TSHZ2: variants seen among roughly 807,000 people sequenced by gnomAD.
The protein encoded by TSHZ2 is teashirt homolog 2.
A neutral mutation model predicts 74.4 loss-of-function variants in TSHZ2; 21 were observed. The ratio of observed to expected loss-of-function variants is 0.28; its 90% confidence interval spans 0.20 to 0.41. The LOEUF (loss-of-function observed/expected upper bound fraction) is 0.41. Among genes scored for constraint, TSHZ2 ranks in the 10% least tolerant of loss-of-function variants. The pLI, the probability that TSHZ2 is intolerant of heterozygous loss-of-function variation, is 1.00. For synonymous variants in TSHZ2, 540 were observed against 515.3 expected, an observed-to-expected ratio of 1.05 and a Z score of -0.65; for missense variants, 1,244 against 1,293.5, an observed-to-expected ratio of 0.96 and a Z score of 0.59.
At chr20:53,317,312 G>A (rs1461691317) in intron 2 of TSHZ2, among the ~76,000 whole-genome samples, 1 of 152,186 alleles carries the variant, frequency 6.6e-6, no homozygotes, top group Non-Finnish European at 1.5e-5. Flanking sequence ...GAATGGTTGA[G>A]TTCACACAGA....
At chr20:53,216,580 T>TA (rs1989439507) in intron 1 of TSHZ2, among the ~76,000 whole-genome samples, 1 of 152,254 alleles carries the variant, frequency 6.6e-6, no homozygotes. Context: ...TTTCTGGTGT[T>TA]AATGCCATCT....
In TSHZ2 at chr20:53,055,285, T is replaced by TC. The variant is rs1183340501; in HGVS notation, c.40+81955dup. The stretch of plus-strand genomic sequence containing the variant: ...TGTGCATTTTAAGTACATTTGGGTT[T>TC]CCCTCAAGCTTAGCTCTTGATTAAA... On this transcript the variant is annotated intron_variant, in intron 1 of 2. Transcript: ENST00000371497. 1.3e-5 allele frequency among the ~76,000 whole-genome samples: 2 copies of TC among 152,192 alleles called. 1 individual carries two copies. Among genetic ancestry groups the TC allele is most frequent in the Non-Finnish European group, 2.9e-5 (2 of 68,040 alleles).
chr20:53,254,848 A>G lies in TSHZ2; in HGVS notation c.1390A>G (p.Ser464Gly). ...CTCTACAACTGAGTTAAAGAAAGAG[A>G]GTAAAAAAGAAAGGCCAGAGGAAAC... ...TASTTELKKE[S>G]KKERPEETSK... The change falls in exon 2 of 3, where the codon AGT becomes GGT. Residue 464 changes from serine to glycine, a missense_variant. Ser to Gly is a moderately conservative substitution (Grantham distance 56). This residue lies in a region of TSHZ2 where 562 missense variants were observed against 544.0 expected (regional missense o/e 1.03). Transcript: ENST00000371497. The G allele has an allele frequency of 1.9e-6, 3 of 1,614,110 alleles. No homozygotes were observed. The highest frequency in any genetic ancestry group is 2.5e-6 in the Non-Finnish European group (3 of 1,180,010).
At chr20:53,051,457 GCACACACACACACACA>G (rs11474223) in intron 1 of TSHZ2, among the ~76,000 whole-genome samples, 4 of 145,100 alleles carry the variant, frequency 2.8e-5, no homozygotes, top group East Asian at 2.0e-4. Flanking sequence ...TGTGGCGCAC[GCACACACACACACACA>G]CACACACACA....
At chr20:53,039,261 T>C (rs548128442) in intron 1 of TSHZ2, among the ~76,000 whole-genome samples, 2 of 151,712 alleles carry the variant, frequency 1.3e-5, no homozygotes, top group Non-Finnish European at 2.9e-5. Flanking sequence ...CCCGATCATC[T>C]GATTAAAAAT....
At chr20:53,258,269 A>G (rs989138766) in intron 2 of TSHZ2, among the ~76,000 whole-genome samples, 8 of 152,194 alleles carry the variant, frequency 5.3e-5, no homozygotes, top group African/African-American at 1.4e-4. Flanking sequence ...CATTGAATTC[A>G]CACCTGAGCT....
chr20:53,476,106 C>T (rs1600669776), intron 2 of TSHZ2, among the ~76,000 whole-genome samples: 1 of 144,018 alleles, frequency 6.9e-6, no homozygotes, highest in Non-Finnish European at 1.5e-5. Flanking sequence ...ACCATTCCTT[C>T]TGGAACTATT....
intron 1 of TSHZ2, among the ~76,000 whole-genome samples, chr20:53,182,234 C>CTCCT (rs1555833729): frequency 7.5e-5 from 11 of 146,432 alleles, no homozygotes; most frequent in South Asian, 2.2e-4. Context: ...TCTTGACTCC[C>CTCCT]TCCTTCCTTC....
At chr20:53,483,258 A>G (rs1427150008) in intron 2 of TSHZ2, among the ~76,000 whole-genome samples, 2 of 152,172 alleles carry the variant, frequency 1.3e-5, no homozygotes, top group Non-Finnish European at 2.9e-5. Context: ...TGTACAAAAA[A>G]TACAAAAGAA....
intron 2 of TSHZ2, among the ~76,000 whole-genome samples, chr20:53,405,881 C>A (rs1366962300): frequency 6.6e-6 from 1 of 152,036 alleles, no homozygotes; most frequent in African/African-American, 2.4e-5. Context: ...CCTGTGGTCC[C>A]AGCTACTCTG....
intron 2 of TSHZ2, among the ~76,000 whole-genome samples, chr20:53,474,176 G>A (rs371560634): frequency 1.7e-4 from 26 of 148,660 alleles, no homozygotes; most frequent in African/African-American, 5.3e-4. Flanking sequence ...GATACTCCTC[G>A]AGAAGAGCAA....
Position 52,973,241 on chromosome 20 carries a change from A to T in TSHZ2, c.-53A>T. ...AGAGGCCAGAGAGACAGCGGGCCCCAGCGCGCGGCTCGGGGCTGGGGCGCC... is the reference window on the plus strand; with the variant it reads ...AGAGGCCAGAGAGACAGCGGGCCCCTGCGCGCGGCTCGGGGCTGGGGCGCC... On this transcript the variant is annotated 5_prime_UTR_variant, in exon 1 of 3. Transcript: ENST00000371497. The T allele has an allele frequency of 6.4e-7, 1 of 1,550,876 alleles. No homozygotes were observed. The highest frequency in any genetic ancestry group is 8.7e-7 in the Non-Finnish European group (1 of 1,146,480).
rs570051499 is a variant in TSHZ2, at chr20:53,285,415, T to A, written c.*8+28844T>A. On this transcript the variant is annotated intron_variant, in intron 2 of 2. Transcript: ENST00000371497. The stretch of plus-strand genomic sequence containing the variant: ...TTTTGCAGATGTTGGGTCAGTACAA[T>A]ATCTGAGAAATGGGGCCAGGTGCGG... Among the ~76,000 whole-genome samples the A allele has an allele frequency of 5.9e-5, 9 of 152,236 alleles. No individual in the cohort carries two copies. The South Asian group carries it at 1.7e-3, about 28-fold the overall frequency.
intron 2 of TSHZ2, among the ~76,000 whole-genome samples, chr20:53,394,230 T>A: frequency 6.6e-6 from 1 of 152,164 alleles, no homozygotes; most frequent in Non-Finnish European, 1.5e-5. Flanking sequence ...TGGACAAGGA[T>A]GTCAGAACAG....
intron 1 of TSHZ2, among the ~76,000 whole-genome samples, chr20:53,140,539 CAAAAAAAA>C (rs34045440): frequency 1.8e-4 from 14 of 79,786 alleles, no homozygotes; most frequent in Non-Finnish European, 1.9e-4. Context: ...GACTCCGTCT[CAAAAAAAA>C]AAAAAAAAAA....
chr20:53,485,577 T>A (rs1340003120), intron 2 of TSHZ2, among the ~76,000 whole-genome samples: 2 of 152,128 alleles, frequency 1.3e-5, no homozygotes, highest in East Asian at 3.9e-4. Context: ...GGCATGGTGA[T>A]GCATGTCTGT....
intron 2 of TSHZ2, among the ~76,000 whole-genome samples, chr20:53,340,184 C>CTTTCTTTTTT (rs1980133113): frequency 9.1e-6 from 1 of 109,872 alleles, no homozygotes; most frequent in Non-Finnish European, 1.7e-5. Context: ...TTTCTTTTTT[C>CTTTCTTTTTT]TTTTTTTTTT....
chr20:53,175,922 A>G (rs892718534), intron 1 of TSHZ2, among the ~76,000 whole-genome samples: 3 of 152,202 alleles, frequency 2.0e-5, no homozygotes, highest in African/African-American at 7.2e-5. Context: ...CCTTATTCTC[A>G]TGGAGATTAT....
chr20:53,215,758 C>T (rs1356109673), intron 1 of TSHZ2, among the ~76,000 whole-genome samples: 3 of 151,408 alleles, frequency 2.0e-5, no homozygotes, highest in Admixed American at 6.6e-5. Flanking sequence ...ATTCCAGCTA[C>T]TCAGGAGGCT....
Sources: gnomAD v4.1 joint callset for allele counts (sites outside exome capture counted in the v4.1 genomes callset) on GRCh38, gnomAD v4.1.1 for gene constraint, gnomAD v4.1.1 regional missense constraint, MANE v1.5 for transcripts, NCBI Gene and HGNC (gene_info 2026-07-23, HGNC 2026-07-21) for gene names.